LDLRAD3: variants seen among roughly 807,000 people sequenced by gnomAD.
LDLRAD3 encodes low-density lipoprotein receptor class A domain-containing protein 3.
Under a neutral mutation model 29.4 loss-of-function variants are expected in LDLRAD3, and 20 were observed. The ratio of observed to expected loss-of-function variants is 0.68; its 90% CI spans 0.48 to 0.99. The LOEUF (loss-of-function observed/expected upper bound fraction) is 0.99. Among genes scored for constraint, LDLRAD3 ranks in the 50% least tolerant of loss-of-function variants. The pLI is 0.00. For synonymous variants in LDLRAD3, 157 were observed against 192.7 expected (o/e 0.81, Z 1.53); for missense variants, 420 against 454.3 (o/e 0.92, Z 0.69).
intron 4 of LDLRAD3, among the ~76,000 whole-genome samples, chr11:36,156,415 G>A (rs1444819163): frequency 6.6e-6 from 1 of 152,208 alleles, no homozygotes; most frequent in East Asian, 1.9e-4. Context: ...GAACATGGAT[G>A]GGGCAGTACA....
chr11:35,993,661 CAA>C (rs59468652), intron 1 of LDLRAD3, among the ~76,000 whole-genome samples: 67 of 61,566 alleles, frequency 1.1e-3, no homozygotes, highest in Admixed American at 1.3e-3. Flanking sequence ...GCCAGAGATA[CAA>C]AAAAAAAAAA....
At chr11:36,157,872 CTTCCAGGTT>C (rs1854377421) in intron 4 of LDLRAD3, among the ~76,000 whole-genome samples, 2 of 152,150 alleles carry the variant, frequency 1.3e-5, no homozygotes, top group African/African-American at 4.8e-5. Flanking sequence ...CGGGTAGATG[CTTCCAGGTT>C]CTGGGAGCAG....
chr11:36,113,855 G>T (rs1352054750), intron 4 of LDLRAD3, among the ~76,000 whole-genome samples: 1 of 152,082 alleles, frequency 6.6e-6, no homozygotes, highest in Non-Finnish European at 1.5e-5. Context: ...TGTATTTTTA[G>T]TAGAGACGGA....
At chr11:36,136,182 C>A (rs1266639647) in intron 4 of LDLRAD3, among the ~76,000 whole-genome samples, 1 of 152,134 alleles carries the variant, frequency 6.6e-6, no homozygotes, top group Non-Finnish European at 1.5e-5. Context: ...AGGGGGCATG[C>A]TGGCCTATCT....
At chr11:36,067,773 C>T (rs368427225) in intron 2 of LDLRAD3, among the ~76,000 whole-genome samples, 2 of 152,210 alleles carry the variant, frequency 1.3e-5, no homozygotes, top group South Asian at 2.1e-4. Context: ...TGGGCTGAAG[C>T]GATCCTCCCA....
At chr11:36,058,328 T>G (rs528757575) in intron 2 of LDLRAD3, among the ~76,000 whole-genome samples, 26 of 152,296 alleles carry the variant, frequency 1.7e-4, no homozygotes, top group African/African-American at 5.1e-4. Flanking sequence ...AAGAGCCACG[T>G]CTTCCTTCAC....
chr11:36,112,251 G>A (rs927974730), intron 4 of LDLRAD3, among the ~76,000 whole-genome samples: 2 of 152,108 alleles, frequency 1.3e-5, no homozygotes, highest in Non-Finnish European at 2.9e-5. Context: ...CCTTTTTGCA[G>A]AGCACATTGC....
chr11:36,070,196 T>G (rs768787016), intron 2 of LDLRAD3, among the ~76,000 whole-genome samples: 1 of 152,356 alleles, frequency 6.6e-6, no homozygotes, highest in African/African-American at 2.4e-5. Flanking sequence ...TATTTTGATA[T>G]TGGCCAAACA....
At chr11:36,038,972 T>TTTCTTTC (rs71944048) in intron 2 of LDLRAD3, among the ~76,000 whole-genome samples, 1 of 109,490 alleles carries the variant, frequency 9.1e-6, no homozygotes, top group Non-Finnish European at 1.7e-5. Flanking sequence ...AATTTCTTTC[T>TTTCTTTC]TTTTTTTTTT....
chr11:36,027,385 T>G (rs1852182250), intron 1 of LDLRAD3, among the ~76,000 whole-genome samples: 1 of 152,246 alleles, frequency 6.6e-6, no homozygotes, highest in African/African-American at 2.4e-5. Context: ...ATATTGATAC[T>G]TCGTGGGTTA....
At chr11:35,983,694 G>T (rs796673677) in intron 1 of LDLRAD3, among the ~76,000 whole-genome samples, 1 of 152,098 alleles carries the variant, frequency 6.6e-6, no homozygotes, top group East Asian at 1.9e-4. Context: ...GTAGTGGTGC[G>T]ATCTCAGCTC....
intron 2 of LDLRAD3, among the ~76,000 whole-genome samples, chr11:36,039,006 G>C (rs1337910922): frequency 2.1e-5 from 3 of 140,642 alleles, no homozygotes; most frequent in Non-Finnish European, 4.5e-5. Flanking sequence ...TCTTGCCTCT[G>C]TCACCCAGGC....
chr11:35,976,983 TG>T (rs1397656203), intron 1 of LDLRAD3, among the ~76,000 whole-genome samples: 13 of 152,244 alleles, frequency 8.5e-5, no homozygotes, highest in Admixed American at 2.6e-4. Flanking sequence ...TGTGGTTTTT[TG>T]GGTGTTACTG....
chr11:36,041,924 A>G (rs1479894535), intron 2 of LDLRAD3, among the ~76,000 whole-genome samples: 1 of 152,214 alleles, frequency 6.6e-6, no homozygotes, highest in Non-Finnish European at 1.5e-5. Flanking sequence ...TTGTTAAATG[A>G]TAAAATATTA....
intron 4 of LDLRAD3, among the ~76,000 whole-genome samples, chr11:36,161,573 T>C (rs546408743): frequency 6.7e-6 from 1 of 149,780 alleles, no homozygotes; most frequent in African/African-American, 2.5e-5. Context: ...TTGATTCATT[T>C]TGGGATGGAT....
chr11:35,983,834 AG>A (rs1328722633), intron 1 of LDLRAD3, among the ~76,000 whole-genome samples: 2 of 152,116 alleles, frequency 1.3e-5, no homozygotes, highest in African/African-American at 4.8e-5. Flanking sequence ...CACGTTGGCC[AG>A]GCTGGCCTCG....
chr11:36,057,837 T>A (rs1197495892), intron 2 of LDLRAD3, among the ~76,000 whole-genome samples: 2 of 152,220 alleles, frequency 1.3e-5, no homozygotes, highest in African/African-American at 4.8e-5. Context: ...TGCGTCACCA[T>A]TTCCTTGCTT....
At chr11:36,050,254 C>T (rs1277749010) in intron 2 of LDLRAD3, among the ~76,000 whole-genome samples, 4 of 152,194 alleles carry the variant, frequency 2.6e-5, no homozygotes, top group Non-Finnish European at 1.5e-5. Flanking sequence ...TAGCAGGATC[C>T]TGCTGGTAGC....
At chr11:36,018,119 C>T (rs1852047307) in intron 1 of LDLRAD3, among the ~76,000 whole-genome samples, 1 of 152,220 alleles carries the variant, frequency 6.6e-6, no homozygotes, top group African/African-American at 2.4e-5. Context: ...CAGGCTTCAT[C>T]TTCAACACTG....
Sources: gnomAD v4.1 joint callset for allele counts (sites outside exome capture counted in the v4.1 genomes callset) on GRCh38, gnomAD v4.1.1 for gene constraint, MANE v1.5 for transcripts, NCBI Gene and HGNC (gene_info 2026-07-23, HGNC 2026-07-21) for gene names.